CPA5: variants seen among roughly 807,000 people sequenced by gnomAD.
The protein encoded by CPA5 is carboxypeptidase A5.
In CPA5, 38 loss-of-function variants were observed where a neutral mutation model predicts 52.2. The observed-to-expected ratio is 0.73, with a 90% CI of 0.56 to 0.95. CPA5 has a LOEUF of 0.95. Ranked by LOEUF, CPA5 falls within the 40% of genes least tolerant of loss-of-function variation. The pLI is 0.00. For synonymous variants in CPA5, 198 were observed against 213.7 expected (o/e 0.93, Z 0.64); for missense variants, 519 against 566.7 (o/e 0.92, Z 0.86).
chr7:130,368,278 AAGCCTGGTG>A (rs1796212026), intron 12 of CPA5, 123 bp from the exon 13 acceptor site: 5 of 832,392 alleles, frequency 6.0e-6, no homozygotes, highest in Non-Finnish European at 9.4e-6. Flanking sequence ...CCTGGGCAGG[AAGCCTGGTG>A]TGGCCTGGGG....
At position 130,368,555 on chromosome 7, in the gene CPA5, G is replaced by T; in HGVS notation, c.1269G>T (p.Ala423=). Residue 423 remains alanine, a synonymous_variant, in exon 13 of 13, where the codon GCG becomes GCT. Transcript: ENST00000474905. ...IIPTAQETWM[A]LRTIMEHTLN... ...CCACGGCCCAGGAGACGTGGATGGC[G>T]CTTCGGACCATCATGGAGCACACCC... 4.3e-6 allele frequency: 7 copies of T among 1,614,030 alleles called. No homozygotes were observed. The highest frequency in any genetic ancestry group is 5.9e-6 in the Non-Finnish European group (7 of 1,180,024).
chr7:130,369,116 T>C (rs1796257965), downstream of CPA5, among the ~76,000 whole-genome samples: 1 of 152,120 alleles, frequency 6.6e-6, no homozygotes, highest in Admixed American at 6.5e-5. Context: ...TTTTGGAGGT[T>C]ACCACTCACC....
intron 5 of CPA5, among the ~76,000 whole-genome samples, chr7:130,357,649 A>G (rs942303123): frequency 7.9e-5 from 12 of 152,054 alleles, no homozygotes; most frequent in African/African-American, 2.7e-4. Flanking sequence ...GTTCTTATTG[A>G]AGTAGTATAA....
intron 4 of CPA5, among the ~76,000 whole-genome samples, 171 bp from the exon 5 acceptor site, chr7:130,349,804 G>A (rs1795014903): frequency 1.3e-5 from 2 of 151,358 alleles, no homozygotes; most frequent in Admixed American, 1.3e-4. Flanking sequence ...ACTATCTGCT[G>A]TTTCAGGCAT....
intron 5 of CPA5, among the ~76,000 whole-genome samples, chr7:130,356,040 C>T (rs1406905798): frequency 3.3e-5 from 5 of 152,188 alleles, no homozygotes; most frequent in Non-Finnish European, 7.3e-5. Flanking sequence ...TTGCTACTGG[C>T]CACATAGCTG....
chr7:130,363,407 G>T lies in CPA5; in HGVS notation c.748-12G>T. On this transcript the variant is annotated splice_polypyrimidine_tract_variant and intron_variant, in intron 9 of 12. Transcript: ENST00000474905. ...CCCAGTGAATGAGGTCACCTGTCCT[G>T]GGCTTTCCCAGAACCGCTTATGGCG... 2 of 1,560,222 alleles carry T rather than the reference G, an allele frequency of 1.3e-6. No individual in the cohort carries two copies. Among genetic ancestry groups the T allele is most frequent in the East Asian group, 2.3e-5 (1 of 42,718 alleles).
Position 130,367,927 on chromosome 7 carries a change from G to T in CPA5, c.1060G>T (p.Val354Leu). ...RELYDLAKDA[V>L]EALYKVHGIE... ...GCAGTACGATCTTGCCAAGGATGCGGTGGAGGCCTTGTATAAGGTCCATGG... is the reference window on the plus strand; with the variant it reads ...GCAGTACGATCTTGCCAAGGATGCGTTGGAGGCCTTGTATAAGGTCCATGG... The change falls in exon 12 of 13, where the codon GTG becomes TTG. Residue 354 changes from valine (V) to leucine (L), a missense_variant. Physicochemically the swap from Val to Leu is conservative, Grantham distance 32. Transcript: ENST00000474905. The T allele has an allele frequency of 6.2e-7, 1 of 1,614,224 alleles. No individual in the cohort carries two copies.
chr7:130,371,157 C>A (rs1184370834), downstream of CPA5, among the ~76,000 whole-genome samples: 2 of 152,372 alleles, frequency 1.3e-5, no homozygotes, highest in East Asian at 3.9e-4. Context: ...TGGACAAGAA[C>A]TGGCCTAGGG....
chr7:130,363,346 G>A, intron 9 of CPA5, 73 bp from the exon 10 acceptor site: 5 of 1,312,522 alleles, frequency 3.8e-6, no homozygotes, highest in Non-Finnish European at 4.3e-6. Flanking sequence ...ACCCCCATAG[G>A]CCAGGATATC....
chr7:130,372,182 C>T (rs950168143), downstream of CPA5, among the ~76,000 whole-genome samples: 9 of 152,202 alleles, frequency 5.9e-5, no homozygotes, highest in Non-Finnish European at 1.2e-4. Context: ...AATAACTAAT[C>T]GACTTCTTAG....
At position 130,368,626 on chromosome 7, in the gene CPA5, C is replaced by T; in HGVS notation, c.*29C>T. On this transcript the variant is annotated 3_prime_UTR_variant, in exon 13 of 13. Transcript: ENST00000474905. ...CACGACTGAGGGCAGGAGGCTCCAT[C>T]CTTCTCCCCAAGGTCTGTGGCTCCT... The T allele has an allele frequency of 2.5e-6, 4 of 1,612,144 alleles. No individual in the cohort carries two copies. Among genetic ancestry groups the T allele is most frequent in the Non-Finnish European group, 3.4e-6 (4 of 1,178,992 alleles).
chr7:130,352,787 C>A (rs782307357), intron 5 of CPA5, among the ~76,000 whole-genome samples: 5 of 151,664 alleles, frequency 3.3e-5, no homozygotes, highest in Non-Finnish European at 5.9e-5. Flanking sequence ...TGATTCCGAG[C>A]GAGCTCTATT....
intron 5 of CPA5, 59 bp downstream of exon 5, chr7:130,350,168 A>G: frequency 1.3e-6 from 2 of 1,558,470 alleles, no homozygotes; most frequent in African/African-American, 1.4e-5. Flanking sequence ...TTGGGGCCCA[A>G]CATGGAGGAG....
At chr7:130,370,220 C>T (rs1796280742), downstream of CPA5, among the ~76,000 whole-genome samples, 1 of 152,216 alleles carries the variant, frequency 6.6e-6, no homozygotes, top group Non-Finnish European at 1.5e-5. Flanking sequence ...CACATAGAAG[C>T]CCTGAGGAAG....
chr7:130,358,015 G>A (rs1266273687), intron 5 of CPA5, among the ~76,000 whole-genome samples: 3 of 149,566 alleles, frequency 2.0e-5, no homozygotes. Flanking sequence ...GTGTCACTCT[G>A]TTGCCCAGCC....
At chr7:130,356,206 G>A (rs1795466769) in intron 5 of CPA5, among the ~76,000 whole-genome samples, 1 of 152,058 alleles carries the variant, frequency 6.6e-6, no homozygotes, top group East Asian at 1.9e-4. Context: ...GCTCTCCTCC[G>A]CCTCAGCTTC....
downstream of CPA5, among the ~76,000 whole-genome samples, chr7:130,372,261 ACT>A (rs1193142849): frequency 5.3e-5 from 8 of 152,106 alleles, no homozygotes; most frequent in African/African-American, 1.9e-4. Context: ...TGCGTTGCTC[ACT>A]CTCTCTGCAC....
chr7:130,348,513 G>C (rs576231397), intron 4 of CPA5, among the ~76,000 whole-genome samples: 18 of 152,202 alleles, frequency 1.2e-4, no homozygotes, highest in Non-Finnish European at 1.3e-4. Flanking sequence ...ATCGCAAAAG[G>C]CTGACCTAGG....
At chr7:130,353,545 A>G (rs782738540) in intron 5 of CPA5, among the ~76,000 whole-genome samples, 1 of 152,140 alleles carries the variant, frequency 6.6e-6, no homozygotes, top group Non-Finnish European at 1.5e-5. Context: ...GTGCCTCCAC[A>G]GCCCTCTTTA....
Sources: allele counts gnomAD v4.1 joint callset (sites outside exome capture counted in the v4.1 genomes callset), GRCh38; gene constraint gnomAD v4.1.1; transcripts MANE v1.5; gene names NCBI Gene and HGNC (gene_info 2026-07-23, HGNC 2026-07-21).